Variants in NDUFS7 observed in about 807,000 individuals in gnomAD.
NDUFS7 encodes NADH dehydrogenase [ubiquinone] iron-sulfur protein 7, mitochondrial.
In NDUFS7, 11 loss-of-function variants were observed where a neutral mutation model predicts 31.1. The observed-to-expected ratio is 0.35, with a 90% CI of 0.22 to 0.59. NDUFS7 has a LOEUF of 0.59. Ranked by LOEUF, NDUFS7 falls within the 20% of genes least tolerant of loss-of-function variation. The probability of loss-of-function intolerance (pLI) is 0.79; values close to 1 mark genes in which losing one functional copy is unlikely to be tolerated. For missense variants in NDUFS7, 263 were observed against 324.2 expected, an observed-to-expected ratio of 0.81 and a Z score of 1.45; for synonymous variants, 136 against 127.9, an observed-to-expected ratio of 1.06 and a Z score of -0.43.
chr19:1,391,742 C>T (rs1235270108), intron 6 of NDUFS7: 1 of 159,042 alleles, frequency 6.3e-6, no homozygotes, highest in Non-Finnish European at 1.4e-5. Flanking sequence ...CTCGGCCTCC[C>T]AAAGTGCTGG....
At chr19:1,395,126 C>G in intron 7 of NDUFS7, 1 of 1,381,318 alleles carries the variant, frequency 7.2e-7, no homozygotes, top group Non-Finnish European at 9.4e-7. Context: ...AGGTCAGCGT[C>G]TTGTCCGAGA....
chr19:1,389,635 G>A (rs1248142896), intron 4 of NDUFS7: 2 of 400,568 alleles, frequency 5.0e-6, no homozygotes, highest in Non-Finnish European at 5.1e-6. Context: ...ATCCTTCTCG[G>A]TACCCGTTTA....
chr19:1,394,538 C>T lies in NDUFS7; in HGVS notation c.545-853C>T, dbSNP rs867105897. 883 of 1,234,770 alleles carry T rather than the reference C, an allele frequency of 7.2e-4. 2 individuals are homozygous for T. Among genetic ancestry groups the T allele is most frequent in the Middle Eastern group, 1.3e-3 (4 of 3,124 alleles). 76.5% of individuals were successfully genotyped at this position (1,234,770 alleles called of 1,614,324 possible). ...CTCCTCCCTCCCTCCCTGCGGACCG[C>T]GCTCCTCCCTCCCTGGGGACCGCGC... On this transcript the variant is annotated intron_variant, in intron 7 of 7. Transcript: ENST00000233627.
In NDUFS7 at chr19:1,388,605, C is replaced by T. The variant is rs550324102; in HGVS notation, c.122+12C>T. On this transcript the variant is annotated intron_variant, in intron 3 of 7. Coordinates refer to ENST00000233627, the MANE Select transcript of NDUFS7 (RefSeq NM_024407.5). ...GATGGCCCAAGCAGGTGAAGCTGGCCTTCTGGGGGAGGTCGTACCCCCTCG... is the reference window on the plus strand; with the variant it reads ...GATGGCCCAAGCAGGTGAAGCTGGCTTTCTGGGGGAGGTCGTACCCCCTCG... The T allele has an allele frequency of 1.2e-5, 20 of 1,611,238 alleles. No homozygotes were observed. The highest frequency in any genetic ancestry group is 1.6e-5 in the Non-Finnish European group (19 of 1,178,792).
Position 1,393,599 on chromosome 19 carries a change from G to A in NDUFS7, c.544+269G>A, listed in dbSNP as rs1294978240. 3.3e-6 allele frequency: 2 copies of A among 613,300 alleles called. No homozygotes were observed. Among genetic ancestry groups the A allele is most frequent in the African/African-American group, 3.7e-5 (2 of 54,402 alleles). The allele number at this position is 613,300 out of a possible 1,614,324, so 38.0% of individuals were successfully genotyped here. On this transcript the variant is annotated intron_variant, in intron 7 of 7. Transcript: ENST00000233627. The surrounding 1 kb of genome is among the most constrained non-coding windows in gnomAD (Gnocchi z 7.3). Reference sequence around the variant, plus strand: ...CGCCTGGTTTACAGCAGTTTCATATGGTCCTACCTGGCACAAACCAAAGAC... The same window carrying A: ...CGCCTGGTTTACAGCAGTTTCATATAGTCCTACCTGGCACAAACCAAAGAC...
At chr19:1,383,994 G>A in intron 1 of NDUFS7, 52 bp downstream of exon 1, 2 of 1,534,306 alleles carry the variant, frequency 1.3e-6, no homozygotes, top group South Asian at 1.2e-5. Flanking sequence ...TGGGGCCGTG[G>A]GAGCCTCGGG....
chr19:1,394,401 C>T (rs1445637062), intron 7 of NDUFS7: 2 of 1,289,278 alleles, frequency 1.6e-6, no homozygotes, highest in African/African-American at 1.5e-5. Context: ...GTGGACTGTA[C>T]TCCTCCCTCC....
In NDUFS7 at chr19:1,393,319, T is replaced by C. The variant is rs2082570684; in HGVS notation, c.533T>C (p.Ile178Thr). Reference protein sequence around the residue: ...RGCDRIVPVDIYIPGCPPTAE... With the variant: ...RGCDRIVPVDTYIPGCPPTAE... ...TGCGACCGCATCGTGCCCGTGGACA[T>C]CTACATCCCAGGTAGGGCCGGGACC... Residue 178 changes from isoleucine (I) to threonine (T), a missense_variant, in exon 7 of 8, where the codon ATC (isoleucine) becomes ACC (threonine). Ile to Thr is a moderately conservative substitution (Grantham distance 89). Coordinates refer to ENST00000233627, the MANE Select transcript of NDUFS7 (RefSeq NM_024407.5). This position sits in a 1 kb window ranked among gnomAD's most constrained non-coding sequence, Gnocchi z 7.3. 1 of 1,580,884 alleles carries C rather than the reference T, an allele frequency of 6.3e-7. No homozygotes were observed. Among genetic ancestry groups the C allele is most frequent in the African/African-American group, 1.3e-5 (1 of 74,366 alleles).
chr19:1,389,682 C>T, intron 4 of NDUFS7: 1 of 363,662 alleles, frequency 2.7e-6, no homozygotes, highest in Non-Finnish European at 5.5e-6. Context: ...CCCCACGCAG[C>T]CCCTGCCATC....
chr19:1,388,702 G>T, intron 3 of NDUFS7, 109 bp downstream of exon 3: 2 of 1,423,370 alleles, frequency 1.4e-6, no homozygotes, highest in South Asian at 2.4e-5. Context: ...GGGGCAGGGA[G>T]GGGGTCACAC....
At chr19:1,389,368 T>G in intron 4 of NDUFS7, 1 of 466,960 alleles carries the variant, frequency 2.1e-6, no homozygotes, top group South Asian at 1.6e-5. Flanking sequence ...CACATGCATG[T>G]GTGCCTGTTG....
At chr19:1,388,252 C>T (rs2082522897) in intron 2 of NDUFS7, 4 of 590,656 alleles carry the variant, frequency 6.8e-6, no homozygotes, top group African/African-American at 1.9e-5. Flanking sequence ...TGCCAGTTTC[C>T]TTCTGTGGAT....
At chr19:1,387,326 G>A (rs912676119) in intron 1 of NDUFS7, among the ~76,000 whole-genome samples, 3 of 152,256 alleles carry the variant, frequency 2.0e-5, no homozygotes, top group Non-Finnish European at 2.9e-5. Flanking sequence ...CCACAAGCAC[G>A]CATAGATGGA....
In NDUFS7 at chr19:1,395,460, G is replaced by A. The variant is rs769398012; in HGVS notation, c.614G>A (p.Arg205Gln). 2.9e-5 allele frequency: 46 copies of A among 1,596,490 alleles called. No individual in the cohort carries two copies. The highest frequency in any genetic ancestry group is 3.4e-5 in the Non-Finnish European group (40 of 1,173,560). ...LQLQRKIKRE[R>Q]RLQIWYRR ...CTGCAGAGGAAGATCAAGCGGGAGCGGAGGCTGCAGATCTGGTACCGCAGG... is the reference window on the plus strand; with the variant it reads ...CTGCAGAGGAAGATCAAGCGGGAGCAGAGGCTGCAGATCTGGTACCGCAGG... Residue 205 changes from arginine (R) to glutamine (Q), a missense_variant, in exon 8 of 8, where the codon CGG becomes CAG. Transcript: ENST00000233627.
chr19:1,394,423 G>C, intron 7 of NDUFS7: 1 of 1,282,496 alleles, frequency 7.8e-7, no homozygotes, highest in Non-Finnish European at 1.0e-6. Context: ...TGCAGACTGA[G>C]CTCCTCCCTC....
At chr19:1,388,281 G>C (rs1390714850) in intron 2 of NDUFS7, 1 of 602,804 alleles carries the variant, frequency 1.7e-6, no homozygotes, top group African/African-American at 1.8e-5. Flanking sequence ...GACCGTCCTT[G>C]CTTGGACACT....
intron 1 of NDUFS7, chr19:1,387,600 G>A: frequency 3.3e-6 from 2 of 607,396 alleles, no homozygotes; most frequent in South Asian, 1.9e-5. Flanking sequence ...GGCAGCGTTT[G>A]GGTTCCTTCC....
At chr19:1,389,139 A>G (rs1481729293) in intron 4 of NDUFS7, 1 of 703,884 alleles carries the variant, frequency 1.4e-6, no homozygotes. Flanking sequence ...CACACAATGC[A>G]CATATGCACA....
At chr19:1,386,838 C>T (rs2082510481) in intron 1 of NDUFS7, 1 of 152,290 alleles carries the variant, frequency 6.6e-6, no homozygotes, top group Non-Finnish European at 1.5e-5. Context: ...AAAGCAGTCA[C>T]ATTCTGAGGT....
Sources: allele counts gnomAD v4.1 joint callset (sites outside exome capture counted in the v4.1 genomes callset), GRCh38; gene constraint gnomAD v4.1.1; non-coding constraint Gnocchi (gnomAD v3.1); transcripts MANE v1.5; gene names NCBI Gene and HGNC (gene_info 2026-07-23, HGNC 2026-07-21).